The following USP47 variants were observed in gnomAD, a reference collection of about 807,000 sequenced individuals.
USP47 encodes the protein ubiquitin specific peptidase 47, also known as ubiquitin carboxyl-terminal hydrolase 47.
USP47 carries 35 observed loss-of-function variants against 165.1 expected under a neutral mutation model. The ratio of observed to expected loss-of-function variants is 0.21; its 90% CI spans 0.16 to 0.28. USP47 has a LOEUF of 0.28. USP47 is among the 10% of genes least tolerant of loss of function. The probability of loss-of-function intolerance (pLI) is 1.00; values close to 1 mark genes in which losing one functional copy is unlikely to be tolerated. For synonymous variants in USP47, 531 were observed against 544.5 expected (o/e 0.98, Z 0.35); for missense variants, 1,277 against 1,607.4 (o/e 0.79, Z 3.52).
At position 11,902,872 on chromosome 11, in the gene USP47, C is replaced by G; in HGVS notation, c.739+12C>G. On this transcript the variant is annotated intron_variant, in intron 6 of 27. Coordinates refer to ENST00000527733, the MANE Select transcript of USP47 (RefSeq NM_001282659.2). ...GGATAGTAGTGAGGGTACTAATTCTCTTGTAATGATAAGCGTTCTAATATT... is the reference window on the plus strand; with the variant it reads ...GGATAGTAGTGAGGGTACTAATTCTGTTGTAATGATAAGCGTTCTAATATT... 1.9e-6 allele frequency: 3 copies of G among 1,545,462 alleles called. No homozygotes were observed. Among genetic ancestry groups the G allele is most frequent in the Non-Finnish European group, 2.6e-6 (3 of 1,151,314 alleles).
At chr11:11,923,634 A>G (rs1854025750) in intron 11 of USP47, among the ~76,000 whole-genome samples, 1 of 152,160 alleles carries the variant, frequency 6.6e-6, no homozygotes, top group African/African-American at 2.4e-5. Flanking sequence ...TCCTAATGTG[A>G]AGACTGATCA....
intron 24 of USP47, chr11:11,952,027 A>G (rs575103133): frequency 1.3e-5 from 2 of 152,356 alleles, no homozygotes; most frequent in African/African-American, 2.4e-5. Flanking sequence ...ATAGTTGAGT[A>G]AGAAATGTCA....
chr11:11,842,320 C>T, intron 1 of USP47, 96 bp downstream of exon 1: 1 of 1,401,212 alleles, frequency 7.1e-7, no homozygotes, highest in Non-Finnish European at 9.7e-7. Context: ...GGCCGGGGTG[C>T]AGGCTCGGCT....
chr11:11,857,923 T>A (rs918109377), intron 1 of USP47, among the ~76,000 whole-genome samples: 3 of 151,978 alleles, frequency 2.0e-5, no homozygotes, highest in African/African-American at 7.3e-5. Context: ...AGCCTCTGAT[T>A]GGTTGCTTTC....
intron 8 of USP47, among the ~76,000 whole-genome samples, chr11:11,908,638 G>C (rs932896760): frequency 2.8e-4 from 43 of 151,808 alleles, no homozygotes; most frequent in Admixed American, 1.4e-3. Context: ...TTTTTATAAT[G>C]AGTGCTGGGA....
chr11:11,902,914 G>A, intron 6 of USP47, 54 bp downstream of exon 6: 1 of 1,459,126 alleles, frequency 6.9e-7, no homozygotes, highest in Non-Finnish European at 9.1e-7. Context: ...AATTCTAGAA[G>A]ACAATAATAT....
At chr11:11,952,967 T>A (rs1856320889) in intron 25 of USP47, 96 bp downstream of exon 25, 1 of 1,005,070 alleles carries the variant, frequency 9.9e-7, no homozygotes. Flanking sequence ...ATTCTTCCTG[T>A]GTTGCGTAAG....
chr11:11,954,793 A>T, intron 25 of USP47, 104 bp from the exon 26 acceptor site: 1 of 1,323,712 alleles, frequency 7.6e-7, no homozygotes, highest in Non-Finnish European at 1.0e-6. Flanking sequence ...TACATGAAAC[A>T]TTTTTTAAAC....
At position 11,947,996 on chromosome 11, in the gene USP47, AT is replaced by A; in HGVS notation, c.3146del (p.Leu1049Ter). On this transcript the variant is annotated frameshift_variant, in exon 21 of 28. Transcript: ENST00000527733. LOFTEE classifies it high-confidence loss of function. ...KRITLAAFKQ[H>X]LEPFVGVLSS... is the part of the protein sequence containing the mutation. ...ATTACTCTGGCAGCTTTCAAACAAC[AT>A]TTAGAGCCCTTTGTTGGAGTTTTGT... 6.2e-7 allele frequency: 1 copy of A among 1,613,700 alleles called. No homozygotes were observed. Among genetic ancestry groups the A allele is most frequent in the Non-Finnish European group, 8.5e-7 (1 of 1,179,874 alleles).
intron 1 of USP47, among the ~76,000 whole-genome samples, chr11:11,877,022 T>C (rs767921146): frequency 6.6e-6 from 1 of 152,196 alleles, no homozygotes. Context: ...TACAAAGAAA[T>C]TAAGAAAGAT....
chr11:11,842,279 C>G, intron 1 of USP47, 55 bp downstream of exon 1: 1 of 1,531,610 alleles, frequency 6.5e-7, no homozygotes, highest in Non-Finnish European at 8.8e-7. Context: ...CGAGGCAACA[C>G]AGGCCCGGGC....
intron 5 of USP47, among the ~76,000 whole-genome samples, chr11:11,899,529 T>C (rs1230478002): frequency 2.0e-5 from 3 of 151,980 alleles, no homozygotes; most frequent in Non-Finnish European, 2.9e-5. Context: ...AAAATAAAGC[T>C]GAGTAATGTG....
chr11:11,887,757 C>T (rs1001642628), intron 3 of USP47, among the ~76,000 whole-genome samples: 1 of 152,090 alleles, frequency 6.6e-6, no homozygotes, highest in African/African-American at 2.4e-5. Context: ...CCCCACCCCA[C>T]AACAACAGAA....
intron 1 of USP47, among the ~76,000 whole-genome samples, chr11:11,861,383 A>C (rs1849376478): frequency 6.6e-6 from 1 of 152,170 alleles, no homozygotes; most frequent in Admixed American, 6.5e-5. Flanking sequence ...GGCGTGAGCT[A>C]CCACACCCGG....
chr11:11,900,690 A>G (rs1358866434), intron 5 of USP47, among the ~76,000 whole-genome samples: 3 of 152,248 alleles, frequency 2.0e-5, no homozygotes, highest in African/African-American at 7.2e-5. Context: ...GAAAACTAAC[A>G]TGGCTTAGTG....
chr11:11,914,750 A>G (rs1377739898), intron 8 of USP47, among the ~76,000 whole-genome samples: 1 of 152,194 alleles, frequency 6.6e-6, no homozygotes, highest in African/African-American at 2.4e-5. Context: ...CAAATACAGA[A>G]AAGATACTCA....
chr11:11,884,591 TAGAA>T lies in USP47; in HGVS notation c.357+14_357+17del, dbSNP rs1185042446. ...CCTCAAATACTGCTGGTAAGCTACTTAGAAAGCCCCATATTTATAATTTTTGTGC... is the reference window on the plus strand; with the variant it reads ...CCTCAAATACTGCTGGTAAGCTACTTAGCCCCATATTTATAATTTTTGTGC... On this transcript the variant is annotated intron_variant, in intron 3 of 27. Transcript: ENST00000527733. 7.6e-6 allele frequency: 12 copies of T among 1,584,424 alleles called. No individual in the cohort carries two copies. The highest frequency in any genetic ancestry group is 1.8e-5 in the Admixed American group (1 of 54,228).
rs892115262 is a variant in USP47 at position 11,961,218 on chromosome 11, G to A, written c.*5043G>A. ...TACCTGACAGGGCAAAAGAGATTTT[G>A]CAGATGCAATTAAGGTTAAGGACCT... On this transcript the variant is annotated 3_prime_UTR_variant, in exon 28 of 28. Transcript: ENST00000527733. Among the ~76,000 whole-genome samples the A allele has an allele frequency of 6.6e-6, 1 of 152,154 alleles. No individual in the cohort carries two copies. The highest frequency in any genetic ancestry group is 1.5e-5 in the Non-Finnish European group (1 of 68,048).
In USP47 at chr11:11,891,990, A is replaced by G; in HGVS notation, c.380A>G (p.Asp127Gly). ...TAGGAGGATTCCAGTGCTGGGGAAG[A>G]CAGTGTTCATGACAGGTTTATAGGT... ...ILLEDSSAGE[D>G]SVHDRFIGPL... The change falls in exon 4 of 28, where the codon GAC becomes GGC. Residue 127 changes from aspartate to glycine, a missense_variant. Coordinates refer to ENST00000527733, the MANE Select transcript of USP47 (RefSeq NM_001282659.2). 1 of 1,613,448 alleles carries G rather than the reference A, an allele frequency of 6.2e-7. No homozygotes were observed.
Sources: allele counts gnomAD v4.1 joint callset (sites outside exome capture counted in the v4.1 genomes callset), GRCh38; gene constraint gnomAD v4.1.1; transcripts MANE v1.5; gene names NCBI Gene and HGNC (gene_info 2026-07-23, HGNC 2026-07-21).